The following MUC5AC variants were observed in gnomAD, a reference collection of about 807,000 sequenced individuals.
MUC5AC encodes the protein mucin-5AC.
Under a neutral mutation model 169.7 loss-of-function variants are expected in MUC5AC, and 158 were observed. The observed-to-expected ratio is 0.93, with a 90% CI of 0.82 to 1.06. MUC5AC has a LOEUF of 1.06. Ranked by LOEUF, MUC5AC falls within the 50% of genes least tolerant of loss-of-function variation. The pLI, the probability that MUC5AC is intolerant of heterozygous loss-of-function variation, is 0.00. For missense variants in MUC5AC, 4,359 were observed against 3,089.9 expected, an observed-to-expected ratio of 1.41 and a Z score of -9.74; for synonymous variants, 1,975 against 1,237.0, an observed-to-expected ratio of 1.60 and a Z score of -12.52.
intron 6 of MUC5AC, among the ~76,000 whole-genome samples, chr11:1,163,343 T>A (rs555027216): frequency 1.0e-3 from 159 of 152,172 alleles, no homozygotes; most frequent in Non-Finnish European, 1.9e-3. Flanking sequence ...TCCTTCTTGG[T>A]CTTTGAGTCT....
chr11:1,162,040 C>A lies in MUC5AC; in HGVS notation c.345C>A (p.Tyr115Ter). The stretch of plus-strand genomic sequence containing the variant: ...TCTCCGAGCACTGCGGTGCCGCCTA[C>A]GAGGATTTTAACATCCAGCTACGCC... ...YVFSEHCGAA[Y>*]EDFNIQLRRS... Residue 115 changes from tyrosine (Y) to a stop codon, truncating the protein, a stop_gained, in exon 4 of 49, where the codon TAC becomes TAA. Transcript: ENST00000621226. LOFTEE classifies it high-confidence loss of function. The A allele has an allele frequency of 6.2e-7, 1 of 1,612,594 alleles. No individual in the cohort carries two copies. The highest frequency in any genetic ancestry group is 8.5e-7 in the Non-Finnish European group (1 of 1,179,782).
rs766151437 is a variant in MUC5AC at position 1,162,034 on chromosome 11, C to T, written c.339C>T (p.Ala113=). ...ACGTGTTCTCCGAGCACTGCGGTGC[C>T]GCCTACGAGGATTTTAACATCCAGC... ...CNYVFSEHCG[A]AYEDFNIQLR... is the part of the protein sequence containing the mutation. Residue 113 remains alanine, a synonymous_variant, in exon 4 of 49, where the codon GCC becomes GCT. Coordinates refer to ENST00000621226, the MANE Select transcript of MUC5AC (RefSeq NM_001304359.2). 2.7e-5 allele frequency: 43 copies of T among 1,612,470 alleles called. No homozygotes were observed. The highest frequency in any genetic ancestry group is 1.9e-5 in the Non-Finnish European group (23 of 1,179,764).
Position 1,178,698 on chromosome 11 carries a change from G to A in MUC5AC, c.3327+15G>A. On this transcript the variant is annotated intron_variant, in intron 25 of 48. Transcript: ENST00000621226. The stretch of plus-strand genomic sequence containing the variant: ...GCCACGCACACGTATGCTGGCCGGG[G>A]GGCGTTTCTCTGGGCCCAAGGGGGT... The A allele has an allele frequency of 8.0e-7, 1 of 1,251,708 alleles. No individual in the cohort carries two copies. Among genetic ancestry groups the A allele is most frequent in the Non-Finnish European group, 1.0e-6 (1 of 981,250 alleles). The allele number at this position is 1,251,708 out of a possible 1,614,324, so 77.5% of individuals were successfully genotyped here.
At chr11:1,192,743 A>G in intron 31 of MUC5AC, 40 bp from the exon 32 acceptor site, 1 of 730,428 alleles carries the variant, frequency 1.4e-6, no homozygotes, top group Non-Finnish European at 2.5e-6. Context: ...TCCTTTGAGC[A>G]GGACTCCACT....
At chr11:1,167,220 C>T (rs1420803443) in intron 11 of MUC5AC, among the ~76,000 whole-genome samples, 1 of 146,504 alleles carries the variant, frequency 6.8e-6, no homozygotes, top group Non-Finnish European at 1.5e-5. Flanking sequence ...CACACAGTCT[C>T]CCCAAGATGA....
chr11:1,174,502 A>C lies in MUC5AC; in HGVS notation c.1972A>C (p.Met658Leu). Reference sequence around the variant, plus strand: ...ATGACCCCCTTCCCTGCAGAACTGCATGTTTGACACCTGCAACTGTGAGCG... The same window carrying C: ...ATGACCCCCTTCCCTGCAGAACTGCCTGTTTGACACCTGCAACTGTGAGCG... Reference protein sequence around the residue: ...VKPGTYYSNCMFDTCNCERSE... With the variant: ...VKPGTYYSNCLFDTCNCERSE... Residue 658 changes from methionine to leucine, a missense_variant, in exon 17 of 49, where the codon ATG becomes CTG. Coordinates refer to ENST00000621226, the MANE Select transcript of MUC5AC (RefSeq NM_001304359.2). 6.4e-7 allele frequency: 1 copy of C among 1,552,424 alleles called. No homozygotes were observed. The highest frequency in any genetic ancestry group is 8.7e-7 in the Non-Finnish European group (1 of 1,150,352).
intron 15 of MUC5AC, among the ~76,000 whole-genome samples, chr11:1,170,978 C>CCCACTCACCTACTCACTCACCCACTCA (rs1232249122): frequency 7.3e-5 from 2 of 27,362 alleles, no homozygotes; most frequent in Admixed American, 3.7e-4. Flanking sequence ...CACCCATTCA[C>CCCACTCACCTACTCACTCACCCACTCA]CCCACTCACC....
At chr11:1,181,550 T>C (rs1214365199) in intron 30 of MUC5AC, 91 bp downstream of exon 30, 1 of 397,496 alleles carries the variant, frequency 2.5e-6, no homozygotes, top group Non-Finnish European at 4.4e-6. Flanking sequence ...TCACAGCAGC[T>C]CTGGGCATGG....
chr11:1,190,399 A>T lies in MUC5AC; in HGVS notation c.12254A>T (p.Gln4085Leu). 1 of 659,562 alleles carries T rather than the reference A, an allele frequency of 1.5e-6. No individual in the cohort carries two copies. Among genetic ancestry groups the T allele is most frequent in the Non-Finnish European group, 2.8e-6 (1 of 362,884 alleles). 40.9% of individuals were successfully genotyped at this position (659,562 alleles called of 1,614,324 possible). The change falls in exon 31 of 49, where the codon CAG (glutamine) becomes CTG (leucine). Residue 4085 changes from glutamine (Q) to leucine (L), a missense_variant. Physicochemically the swap from Gln to Leu is moderately radical, Grantham distance 113 (BLOSUM62 -2). Coordinates refer to ENST00000621226, the MANE Select transcript of MUC5AC (RefSeq NM_001304359.2). ...TSPTQSTSSW[Q>L]KSRTTTLVTT... ...CCAACTCAGAGCACTTCCTCTTGGCAGAAATCCAGGACAACCACTTTGGTG... is the reference window on the plus strand; with the variant it reads ...CCAACTCAGAGCACTTCCTCTTGGCTGAAATCCAGGACAACCACTTTGGTG...
At chr11:1,159,210 G>A (rs115093941) in intron 1 of MUC5AC, among the ~76,000 whole-genome samples, 1 of 152,004 alleles carries the variant, frequency 6.6e-6, no homozygotes, top group Non-Finnish European at 1.5e-5. Flanking sequence ...GGCGAGGGGG[G>A]TCTCCCAGCC....
intron 33 of MUC5AC, 78 bp from the exon 34 acceptor site, chr11:1,194,032 G>T: frequency 1.6e-6 from 1 of 623,322 alleles, no homozygotes; most frequent in South Asian, 1.5e-5. Context: ...GGACAGATGT[G>T]ACCTGTTGGG....
chr11:1,185,475 A>T lies in MUC5AC; in HGVS notation c.7330A>T (p.Thr2444Ser). Reference protein sequence around the residue: ...TSTTSAPTTSTTSGPGTTPSP... With the variant: ...TSTTSAPTTSSTSGPGTTPSP... The stretch of plus-strand genomic sequence containing the variant: ...CACAACCTCGGCTCCTACAACCAGC[A>T]CAACTTCTGGTCCTGGAACTACCCC... Residue 2444 changes from threonine (T) to serine (S), a missense_variant, in exon 31 of 49, where the codon ACA (threonine) becomes TCA (serine). By Grantham distance (58) the Thr-to-Ser change is moderately conservative. Transcript: ENST00000621226. The T allele has an allele frequency of 1.4e-6, 1 of 728,636 alleles. No individual in the cohort carries two copies. 45.1% of individuals were successfully genotyped at this position (728,636 alleles called of 1,614,324 possible).
In MUC5AC at chr11:1,168,786, G is replaced by A. The variant is rs762279688; in HGVS notation, c.1705+7G>A. On this transcript the variant is annotated splice_region_variant and intron_variant, in intron 14 of 48. Coordinates refer to ENST00000621226, the MANE Select transcript of MUC5AC (RefSeq NM_001304359.2). ...CTCCGTGGGCAGACCTGCGGTAAGAGGGCTGCCTTCTGGGCTTGGAGCCCA... is the reference window on the plus strand; with the variant it reads ...CTCCGTGGGCAGACCTGCGGTAAGAAGGCTGCCTTCTGGGCTTGGAGCCCA... 4 of 1,593,220 alleles carry A rather than the reference G, an allele frequency of 2.5e-6. No individual in the cohort carries two copies. Among genetic ancestry groups the A allele is most frequent in the African/African-American group, 2.7e-5 (2 of 74,684 alleles).
rs1860711217 is a variant in MUC5AC, at chr11:1,177,290, C to G, written c.2853C>G (p.Val951=). The G allele has an allele frequency of 2.2e-6, 1 of 455,250 alleles. No individual in the cohort carries two copies. Among genetic ancestry groups the G allele is most frequent in the African/African-American group, 2.0e-5 (1 of 50,324 alleles). 28.2% of individuals were successfully genotyped at this position (455,250 alleles called of 1,614,324 possible). A position where few individuals can be genotyped will look rare whatever the true frequency, so the allele number is the denominator to read the frequency against. Residue 951 remains valine, a synonymous_variant, in exon 23 of 49, where the codon GTC becomes GTG. Transcript: ENST00000621226. The part of the protein sequence containing the change: ...QDSFRVVTEN[V]PCGTTGTTCS... ...CCTTTCGTGTTGTCACCGAGAACGT[C>G]CCCTGCGGCACCACAGGGACCACCT... is the stretch of plus-strand genomic sequence containing the variant.
chr11:1,172,030 G>A (rs2133737669), intron 15 of MUC5AC, among the ~76,000 whole-genome samples: 1 of 152,344 alleles, frequency 6.6e-6, no homozygotes, highest in Admixed American at 6.5e-5. Context: ...CCGTGGGGAG[G>A]TGGGATCCCA....
chr11:1,189,981 T>G lies in MUC5AC; in HGVS notation c.11836T>G (p.Ser3946Ala), dbSNP rs1378823695. Residue 3946 changes from serine (S) to alanine (A), a missense_variant, in exon 31 of 49, where the codon TCC (serine) becomes GCC (alanine). Ser to Ala is a moderately conservative substitution (Grantham distance 99). Transcript: ENST00000621226. ...SHVSVSKTTH[S>A]QPVTRDCHPR... ...TGTTTCTGTATCCAAGACAACCCAC[T>G]CCCAACCAGTCACCAGAGACTGTCA... is the stretch of plus-strand genomic sequence containing the variant. The G allele has an allele frequency of 3.9e-6, 3 of 764,932 alleles. No homozygotes were observed. The highest frequency in any genetic ancestry group is 1.3e-5 in the South Asian group (1 of 74,614). The allele number at this position is 764,932 out of a possible 1,614,324, so 47.4% of individuals were successfully genotyped here.
intron 25 of MUC5AC, 28 bp from the exon 26 acceptor site, chr11:1,179,064 C>T: frequency 2.0e-6 from 1 of 488,492 alleles, no homozygotes. Context: ...GGGGGGGTCC[C>T]TGGAACCTGA....
rs2133753040 is a variant in MUC5AC, at chr11:1,182,921, C to T, written c.4776C>T (p.Tyr1592=). The change falls in exon 31 of 49, where the codon TAC becomes TAT. Residue 1592 remains tyrosine, a synonymous_variant. Coordinates refer to ENST00000621226, the MANE Select transcript of MUC5AC (RefSeq NM_001304359.2). ...CTWTEWIDGS[Y]PAPGINGGDF... ...GGACCGAGTGGATCGATGGCAGCTA[C>T]CCTGCTCCTGGAATAAATGGTGGAG... The T allele has an allele frequency of 7.5e-6, 3 of 398,734 alleles. No homozygotes were observed. In the Admixed American group the frequency reaches 1.3e-4, roughly 18 times the overall value. The allele number at this position is 398,734 out of a possible 1,614,324, so 24.7% of individuals were successfully genotyped here.
At position 1,168,637 on chromosome 11, in the gene MUC5AC, C is replaced by T. The variant is rs1425723326; in HGVS notation, c.1568-5C>T. ...CAGCAAAACCCTTGTCCTTTGTGTC[C>T]CCAGCCAACGTCACCATCTTCAGAC... On this transcript the variant is annotated splice_region_variant and splice_polypyrimidine_tract_variant and intron_variant, in intron 13 of 48. Transcript: ENST00000621226. 1.2e-6 allele frequency: 2 copies of T among 1,610,104 alleles called. No individual in the cohort carries two copies. Among genetic ancestry groups the T allele is most frequent in the Non-Finnish European group, 1.7e-6 (2 of 1,177,548 alleles).
Sources: allele counts gnomAD v4.1 joint callset (sites outside exome capture counted in the v4.1 genomes callset), GRCh38; gene constraint gnomAD v4.1.1; transcripts MANE v1.5; gene names NCBI Gene and HGNC (gene_info 2026-07-23, HGNC 2026-07-21).